Variants in AHCYL1 observed in about 807,000 individuals in gnomAD.
AHCYL1 encodes the protein S-adenosylhomocysteine hydrolase-like protein 1.
A neutral mutation model predicts 79.3 loss-of-function variants in AHCYL1; 20 were observed. The ratio of observed to expected loss-of-function variants is 0.25; its 90% confidence interval spans 0.18 to 0.37. The LOEUF is 0.37. Ranked by LOEUF, AHCYL1 falls within the 10% of genes least tolerant of loss-of-function variation. The pLI is 1.00. For missense variants in AHCYL1, 330 were observed against 673.6 expected, an observed-to-expected ratio of 0.49 and a Z score of 5.65; for synonymous variants, 223 against 242.2, an observed-to-expected ratio of 0.92 and a Z score of 0.74.
intron 1 of AHCYL1, among the ~76,000 whole-genome samples, chr1:110,002,163 C>A (rs1570862559): frequency 6.6e-6 from 1 of 152,200 alleles, no homozygotes; most frequent in African/African-American, 2.4e-5. Context: ...GGATTGATTT[C>A]TCTCTCTACC....
At chr1:110,011,461 G>A (rs1333440260) in intron 3 of AHCYL1, 104 bp downstream of exon 3, 5 of 1,479,352 alleles carry the variant, frequency 3.4e-6, no homozygotes, top group Non-Finnish European at 3.7e-6. Flanking sequence ...AGTGTACTGG[G>A]AAGAAAGACA....
At chr1:109,986,158 C>G (rs1649456532) in intron 1 of AHCYL1, among the ~76,000 whole-genome samples, 1 of 152,122 alleles carries the variant, frequency 6.6e-6, no homozygotes, top group African/African-American at 2.4e-5. Flanking sequence ...CCAGTGAGAA[C>G]CCAGATAAAT....
chr1:110,012,755 G>A (rs753114845), intron 4 of AHCYL1, 142 bp from the exon 5 acceptor site: 37 of 592,556 alleles, frequency 6.2e-5, no homozygotes, highest in Non-Finnish European at 8.2e-5. Context: ...GCACCACCTC[G>A]CTGGAGTACA....
Position 110,015,467 on chromosome 1 carries a change from AAGT to A in AHCYL1, c.720_722del (p.Lys240_Tyr241delinsAsn). ...AGACTTAACCCACTGGGTTTATAAGAAGTATCCAAACGTGTTTAAGAAGATCCG... is the reference window on the plus strand; with the variant it reads ...AGACTTAACCCACTGGGTTTATAAGAATCCAAACGTGTTTAAGAAGATCCG... On this transcript the variant is annotated inframe_deletion, in exon 7 of 17. Coordinates refer to ENST00000369799, the MANE Select transcript of AHCYL1 (RefSeq NM_006621.7). 6.2e-7 allele frequency: 1 copy of A among 1,614,178 alleles called. No homozygotes were observed. Among genetic ancestry groups the A allele is most frequent in the Non-Finnish European group, 8.5e-7 (1 of 1,180,020 alleles).
In AHCYL1 at chr1:110,018,532, C is replaced by T. The variant is rs772821779; in HGVS notation, c.1219-20C>T. On this transcript the variant is annotated intron_variant, in intron 12 of 16. Transcript: ENST00000369799. ...ACCTTTCATTAATAACCATAGTCAACTGTGCTTTCTTCCTTTCAGACCAGC... is the reference window on the plus strand; with the variant it reads ...ACCTTTCATTAATAACCATAGTCAATTGTGCTTTCTTCCTTTCAGACCAGC... The T allele has an allele frequency of 4.3e-6, 7 of 1,613,958 alleles. No homozygotes were observed. In the African/African-American group the frequency reaches 6.7e-5, roughly 15 times the overall value.
rs906691347 is a variant in AHCYL1, at chr1:110,023,101, A to G, written c.*1421A>G. ...AATTATCCAGGATTTTAAATCCTCA[A>G]CTTGTTCTAGCTTGTGATCCCTCAA... On this transcript the variant is annotated 3_prime_UTR_variant, in exon 17 of 17. Coordinates refer to ENST00000369799, the MANE Select transcript of AHCYL1 (RefSeq NM_006621.7). The G allele has an allele frequency of 1.3e-5, 2 of 152,634 alleles. No homozygotes were observed. Among genetic ancestry groups the G allele is most frequent in the African/African-American group, 4.8e-5 (2 of 41,440 alleles). 9.5% of individuals were successfully genotyped at this position (152,634 alleles called of 1,614,324 possible).
chr1:110,004,550 T>G (rs942714721), intron 1 of AHCYL1: 10 of 951,132 alleles, frequency 1.1e-5, no homozygotes, highest in Non-Finnish European at 1.3e-5. Flanking sequence ...ACTTGTGTAT[T>G]TCTTGTACCA....
chr1:110,012,461 C>T lies in AHCYL1; in HGVS notation c.476C>T (p.Ala159Val), dbSNP rs778671519. 2 of 1,584,686 alleles carry T rather than the reference C, an allele frequency of 1.3e-6. No homozygotes were observed. The highest frequency in any genetic ancestry group is 1.7e-6 in the Non-Finnish European group (2 of 1,166,846). ...TGTACACACATCACAGCCCAGACAG[C>T]GGTGAGTTTGTTGGAAGAAAAGAGG... Reference protein sequence around the residue: ...VGCTHITAQTAVLIETLCALG... With the variant: ...VGCTHITAQTVVLIETLCALG... The change falls in exon 4 of 17, where the codon GCG (alanine) becomes GTG (valine). Residue 159 changes from alanine to valine, a missense_variant and splice_region_variant. By Grantham distance (64) the Ala-to-Val change is moderately conservative. Coordinates refer to ENST00000369799, the MANE Select transcript of AHCYL1 (RefSeq NM_006621.7).
intron 1 of AHCYL1, among the ~76,000 whole-genome samples, chr1:109,988,754 A>G (rs1428755666): frequency 6.6e-6 from 1 of 152,236 alleles, no homozygotes; most frequent in Admixed American, 6.5e-5. Context: ...GGGAAGGAGA[A>G]GAGCACAGAA....
intron 1 of AHCYL1, chr1:110,001,022 C>T: frequency 1.5e-5 from 14 of 930,894 alleles, no homozygotes; most frequent in Non-Finnish European, 1.8e-5. Context: ...GTACAATCAA[C>T]TTTAAGTAAA....
chr1:110,018,140 A>G, intron 11 of AHCYL1, 124 bp downstream of exon 11: 1 of 1,126,604 alleles, frequency 8.9e-7, no homozygotes, highest in African/African-American at 1.6e-5. Context: ...AGAATAAGCT[A>G]TCAGAACCTT....
At chr1:109,994,261 G>GTTGTTTGT (rs148426018) in intron 1 of AHCYL1, among the ~76,000 whole-genome samples, 2 of 151,480 alleles carry the variant, frequency 1.3e-5, no homozygotes, top group East Asian at 2.0e-4. Context: ...GCTATTTTGT[G>GTTGTTTGT]TTGTTTGTTT....
In AHCYL1 at chr1:110,017,941, TC is replaced by T; in HGVS notation, c.1053-3del. ...TACTCATAGTGTTCCTTTCTTTTCT[TC>T]CAGCATGGATGGGTTCAGGGTGGTA... is the stretch of plus-strand genomic sequence containing the variant. On this transcript the variant is annotated splice_polypyrimidine_tract_variant and splice_region_variant and intron_variant, in intron 10 of 16. Coordinates refer to ENST00000369799, the MANE Select transcript of AHCYL1 (RefSeq NM_006621.7). 1 of 1,614,148 alleles carries T rather than the reference TC, an allele frequency of 6.2e-7. No individual in the cohort carries two copies. Among genetic ancestry groups the T allele is most frequent in the Non-Finnish European group, 8.5e-7 (1 of 1,179,972 alleles).
At chr1:110,011,718 C>G (rs1651047491) in intron 3 of AHCYL1, among the ~76,000 whole-genome samples, 1 of 152,164 alleles carries the variant, frequency 6.6e-6, no homozygotes, top group South Asian at 2.1e-4. Flanking sequence ...CCCAGATTGC[C>G]CAGAAGCAGC....
At position 109,995,721 on chromosome 1, in the gene AHCYL1, G is replaced by T. The variant is rs960516970; in HGVS notation, c.120+10549G>T. ...GAAGAAGGTATCAGTCACATAGAGG[G>T]TTTTTTCGCAATAACTCATTACCTG... On this transcript the variant is annotated intron_variant, in intron 1 of 16. Coordinates refer to ENST00000369799, the MANE Select transcript of AHCYL1 (RefSeq NM_006621.7). The T allele has an allele frequency of 5.7e-5, 56 of 983,638 alleles. 1 individual carries two copies. The highest frequency in any genetic ancestry group is 6.5e-5 in the Non-Finnish European group (54 of 828,454). The allele number at this position is 983,638 out of a possible 1,614,324, so 60.9% of individuals were successfully genotyped here. A position where few individuals can be genotyped will look rare whatever the true frequency, so the allele number is the denominator to read the frequency against.
intron 3 of AHCYL1, 84 bp downstream of exon 3, chr1:110,011,441 CTGACTTGAAAGT>C (rs1344990171): frequency 6.4e-7 from 1 of 1,558,806 alleles, no homozygotes; most frequent in Non-Finnish European, 8.7e-7. Context: ...GACTTGAAAG[CTGACTTGAAAGT>C]GTACTGGGAA....
chr1:110,008,581 C>T (rs572823049), intron 1 of AHCYL1, among the ~76,000 whole-genome samples: 4 of 87,640 alleles, frequency 4.6e-5, no homozygotes, highest in Admixed American at 3.4e-4. Context: ...TTTCAGAAAG[C>T]AAGACCATTT....
intron 1 of AHCYL1, among the ~76,000 whole-genome samples, chr1:110,008,208 G>A (rs974724557): frequency 2.6e-5 from 4 of 151,966 alleles, no homozygotes; most frequent in African/African-American, 4.8e-5. Context: ...TTTTAGTAGA[G>A]ACGGGGCTTC....
chr1:110,018,849 C>T, intron 13 of AHCYL1, 199 bp downstream of exon 13: 1 of 723,508 alleles, frequency 1.4e-6, no homozygotes, highest in Non-Finnish European at 2.3e-6. Flanking sequence ...TATTTCCTAA[C>T]CACAGCTGAT....
Sources: gnomAD v4.1 joint callset for allele counts (sites outside exome capture counted in the v4.1 genomes callset) on GRCh38, gnomAD v4.1.1 for gene constraint, MANE v1.5 for transcripts, NCBI Gene and HGNC (gene_info 2026-07-23, HGNC 2026-07-21) for gene names.